DHRSX: variants seen among roughly 807,000 people sequenced by gnomAD.
The protein encoded by DHRSX is polyprenol dehydrogenase.
Under a neutral mutation model 34.0 loss-of-function variants are expected in DHRSX, and 31 were observed. The ratio of observed to expected loss-of-function variants is 0.91; its 90% CI spans 0.69 to 1.23. DHRSX has a LOEUF of 1.23. Ranked by LOEUF, DHRSX falls within the 50% of genes most tolerant of loss-of-function variation. The probability of loss-of-function intolerance (pLI) is 0.00; values close to 1 mark genes in which losing one functional copy is unlikely to be tolerated. For missense variants in DHRSX, 414 were observed against 428.1 expected (o/e 0.97, Z 0.29); for synonymous variants, 201 against 183.8 (o/e 1.09, Z -0.76).
chrX:2,287,307 C>T (rs1421144415), intron 4 of DHRSX, among the ~76,000 whole-genome samples: 1 of 152,084 alleles, frequency 6.6e-6, no homozygotes, highest in Non-Finnish European at 1.5e-5. Context: ...CAAAGATGTC[C>T]ACATCCTAAT....
chrX:2,325,220 C>T (rs1377879360), intron 3 of DHRSX, among the ~76,000 whole-genome samples: 1 of 151,884 alleles, frequency 6.6e-6, no homozygotes. Context: ...TTCAAGATGG[C>T]GGCTCCATCT....
intron 3 of DHRSX, among the ~76,000 whole-genome samples, chrX:2,407,166 C>T (rs187949422): frequency 9.7e-4 from 147 of 152,246 alleles, no homozygotes; most frequent in African/African-American, 3.3e-3. Context: ...ACTCAGAAAC[C>T]GAAAGTCAAA....
At chrX:2,497,832 A>G (rs2045320010) in intron 1 of DHRSX, among the ~76,000 whole-genome samples, 1 of 152,282 alleles carries the variant, frequency 6.6e-6, no homozygotes, top group Admixed American at 6.5e-5. Flanking sequence ...TTTACTCAAT[A>G]TGATCATTTT....
At chrX:2,253,016 T>G (rs1022703807) in intron 5 of DHRSX, among the ~76,000 whole-genome samples, 1 of 152,152 alleles carries the variant, frequency 6.6e-6, no homozygotes, top group Non-Finnish European at 1.5e-5. Context: ...TAAGACCTTA[T>G]CTCTACAAAA....
intron 3 of DHRSX, among the ~76,000 whole-genome samples, chrX:2,401,918 C>A (rs753057740): frequency 6.6e-6 from 1 of 152,184 alleles, no homozygotes; most frequent in Non-Finnish European, 1.5e-5. Flanking sequence ...TTTATAATTC[C>A]GAGAGCTCAA....
chrX:2,248,953 C>T (rs149809187), intron 5 of DHRSX, among the ~76,000 whole-genome samples: 5,556 of 152,198 alleles, frequency 0.037, 327 homozygotes, highest in African/African-American at 0.13. Flanking sequence ...ATGTATCCAT[C>T]GAGTAAACTT....
intron 3 of DHRSX, among the ~76,000 whole-genome samples, chrX:2,338,360 G>A (rs1207515242): frequency 2.0e-5 from 3 of 150,896 alleles, no homozygotes; most frequent in Non-Finnish European, 4.4e-5. Flanking sequence ...ATAGAAAAAG[G>A]AAGTCACACT....
chrX:2,306,599 C>T (rs1024505418), intron 3 of DHRSX, among the ~76,000 whole-genome samples: 3 of 151,858 alleles, frequency 2.0e-5, no homozygotes, highest in African/African-American at 4.8e-5. Context: ...ATTACAGACG[C>T]GCACCACCAC....
In DHRSX at chrX:2,372,612, G is replaced by GT. The variant is rs71950336; in HGVS notation, c.286+36132dup. Among the ~76,000 whole-genome samples the GT allele has an allele frequency of 2.5e-3, 368 of 144,734 alleles. 1 individual carries two copies. Among genetic ancestry groups the GT allele is most frequent in the African/African-American group, 3.7e-3 (148 of 39,662 alleles). The allele number at this position is 144,734 out of a possible 152,430, so 95.0% of individuals were successfully genotyped here. On this transcript the variant is annotated intron_variant, in intron 3 of 6. Coordinates refer to ENST00000334651, the MANE Select transcript of DHRSX (RefSeq NM_145177.3). ...GGTATTTCTTTTCTTTTCCTTCTTT[G>GT]TTTTTTTTTTTTTGAGACGGAGTTT...
At chrX:2,292,663 A>G (rs2041880421) in intron 3 of DHRSX, among the ~76,000 whole-genome samples, 1 of 152,150 alleles carries the variant, frequency 6.6e-6, no homozygotes, top group Non-Finnish European at 1.5e-5. Context: ...GAGCCCTTCC[A>G]CGTTGCTGAA....
chrX:2,227,544 GAA>G (rs2015702504), intron 6 of DHRSX, among the ~76,000 whole-genome samples: 1 of 99,756 alleles, frequency 1.0e-5, no homozygotes, highest in Non-Finnish European at 2.0e-5. Flanking sequence ...GAGGGAGGAA[GAA>G]AAAAGGGAGA....
intron 1 of DHRSX, among the ~76,000 whole-genome samples, chrX:2,448,505 T>C (rs1258228847): frequency 2.4e-4 from 35 of 147,940 alleles, no homozygotes; most frequent in Admixed American, 1.0e-3. Flanking sequence ...GTGATATAGG[T>C]TAGAGTTAAG....
At chrX:2,229,428 C>T (rs1002257786) in intron 6 of DHRSX, among the ~76,000 whole-genome samples, 2 of 152,186 alleles carry the variant, frequency 1.3e-5, no homozygotes, top group South Asian at 2.1e-4. Flanking sequence ...GCTTCTGCCA[C>T]GATGTCCCCT....
At chrX:2,243,370 C>CTGTT (rs1229016121) in intron 5 of DHRSX, 140 bp from the exon 6 acceptor site, 2 of 673,662 alleles carry the variant, frequency 3.0e-6, no homozygotes, top group African/African-American at 3.6e-5. Context: ...ATCATGCCAT[C>CTGTT]TGTTGGCCAG....
At chrX:2,360,570 G>A (rs1268332287) in intron 3 of DHRSX, among the ~76,000 whole-genome samples, 1 of 152,030 alleles carries the variant, frequency 6.6e-6, no homozygotes, top group Admixed American at 6.6e-5. Context: ...GCAACAGAGT[G>A]AGACTCTGTT....
chrX:2,296,576 AGATAGGAATAG>A (rs2041935506), intron 3 of DHRSX, among the ~76,000 whole-genome samples: 1 of 101,716 alleles, frequency 9.8e-6, no homozygotes, highest in Admixed American at 9.6e-5. Context: ...GGACCCAGGC[AGATAGGAATAG>A]GACCCAGGCA....
At chrX:2,259,377 T>G (rs1326181044) in intron 5 of DHRSX, among the ~76,000 whole-genome samples, 2 of 69,784 alleles carry the variant, frequency 2.9e-5, no homozygotes, top group East Asian at 4.2e-4. Context: ...TATATATAGA[T>G]ATATATATAG....
intron 3 of DHRSX, among the ~76,000 whole-genome samples, chrX:2,331,355 G>T (rs1341762486): frequency 2.0e-5 from 3 of 150,444 alleles, no homozygotes; most frequent in Non-Finnish European, 4.4e-5. Flanking sequence ...CTGTTAATGT[G>T]GATATCTTAA....
chrX:2,297,365 C>T (rs192717419), intron 3 of DHRSX, among the ~76,000 whole-genome samples: 22 of 152,082 alleles, frequency 1.4e-4, no homozygotes, highest in South Asian at 1.2e-3. Flanking sequence ...TCAAGCGATC[C>T]GCCCGCCTTG....
Sources: gnomAD v4.1 joint callset for allele counts (sites outside exome capture counted in the v4.1 genomes callset) on GRCh38, gnomAD v4.1.1 for gene constraint, MANE v1.5 for transcripts, NCBI Gene and HGNC (gene_info 2026-07-23, HGNC 2026-07-21) for gene names.